COL20A1: variants seen among roughly 807,000 people sequenced by gnomAD.
COL20A1 encodes collagen alpha-1(XX) chain.
COL20A1 carries 164 observed loss-of-function variants against 152.9 expected under a neutral mutation model. The ratio of observed to expected loss-of-function variants is 1.07; its 90% CI spans 0.94 to 1.22. COL20A1 has a LOEUF of 1.22. COL20A1 is among the 50% of genes most tolerant of loss of function. The pLI is 0.00. For missense variants in COL20A1, 1,873 were observed against 1,744.8 expected, an observed-to-expected ratio of 1.07 and a Z score of -1.31; for synonymous variants, 864 against 756.0, an observed-to-expected ratio of 1.14 and a Z score of -2.34.
intron 14 of COL20A1, 26 bp downstream of exon 14, chr20:63,312,081 C>A: frequency 6.5e-7 from 1 of 1,529,104 alleles, no homozygotes; most frequent in African/African-American, 1.4e-5. Flanking sequence ...TCCGGGGGCC[C>A]GAGTGTCTTG....
intron 10 of COL20A1, 146 bp downstream of exon 10, chr20:63,310,061 C>A: frequency 1.2e-6 from 1 of 829,004 alleles, no homozygotes; most frequent in Non-Finnish European, 1.8e-6. Flanking sequence ...AGCCCAGGGA[C>A]TCACTGGGGA....
chr20:63,309,167 C>T (rs963229900), intron 8 of COL20A1, among the ~76,000 whole-genome samples, 166 bp from the exon 9 acceptor site: 2 of 152,172 alleles, frequency 1.3e-5, no homozygotes, highest in Admixed American at 6.5e-5. Context: ...CCTTGATGCC[C>T]CCAACCCCTC....
chr20:63,325,259 G>T (rs1404917833), intron 27 of COL20A1, 182 bp from the exon 28 acceptor site: 1 of 708,646 alleles, frequency 1.4e-6, no homozygotes, highest in Non-Finnish European at 2.6e-6. Context: ...CCCGCTGCCT[G>T]TGTCTCCAGG....
chr20:63,301,658 A>G (rs1322853721), intron 3 of COL20A1, among the ~76,000 whole-genome samples: 1 of 152,110 alleles, frequency 6.6e-6, no homozygotes, highest in Non-Finnish European at 1.5e-5. Context: ...TCATTTTGAA[A>G]TGCTCTTCAT....
At chr20:63,325,557 A>G in intron 28 of COL20A1, 63 bp downstream of exon 28, 1 of 1,506,494 alleles carries the variant, frequency 6.6e-7, no homozygotes, top group Non-Finnish European at 9.2e-7. Context: ...ACAGGGATGG[A>G]GATGGGGAGT....
chr20:63,329,624 A>T lies in COL20A1; in HGVS notation c.3821A>T (p.Gln1274Leu). The T allele has an allele frequency of 6.2e-7, 1 of 1,607,080 alleles. No individual in the cohort carries two copies. Among genetic ancestry groups the T allele is most frequent in the Non-Finnish European group, 8.5e-7 (1 of 1,178,734 alleles). ...GTTGGTCAGATGGGCAGCCCTGGGCAGCAGGGGGCTAGCACCCAGGGCCTC... is the reference window on the plus strand; with the variant it reads ...GTTGGTCAGATGGGCAGCCCTGGGCTGCAGGGGGCTAGCACCCAGGGCCTC... Reference protein sequence around the residue: ...GAVGQMGSPGQQGASTQGLWE With the variant: ...GAVGQMGSPGLQGASTQGLWE The change falls in exon 35 of 36, where the codon CAG (glutamine) becomes CTG (leucine). Residue 1274 changes from glutamine to leucine, a missense_variant. Gln to Leu is a moderately radical substitution (Grantham distance 113, BLOSUM62 -2). Transcript: ENST00000358894.
chr20:63,308,210 C>A, intron 7 of COL20A1, 120 bp downstream of exon 7: 3 of 1,249,446 alleles, frequency 2.4e-6, no homozygotes, highest in Non-Finnish European at 3.4e-6. Context: ...GAGCCCTGTT[C>A]ACACCTTTAT....
At chr20:63,294,577 C>A (rs867041510) in intron 1 of COL20A1, among the ~76,000 whole-genome samples, 1 of 152,132 alleles carries the variant, frequency 6.6e-6, no homozygotes, top group African/African-American at 2.4e-5. Flanking sequence ...CAGACCCACC[C>A]GCTCCCCACT....
At chr20:63,295,955 C>T (rs538338494) in intron 2 of COL20A1, among the ~76,000 whole-genome samples, 1 of 152,390 alleles carries the variant, frequency 6.6e-6, no homozygotes, top group African/African-American at 2.4e-5. Context: ...GGTTTTGTTC[C>T]GCTGGGGTGA....
chr20:63,313,302 G>GGGAT lies in COL20A1; in HGVS notation c.2209+54_2209+57dup. ...TGGGTGTGGGGCAGGGATGGCCCAGGGGATCCCTGACTCACCCGCTGCACA... is the reference window on the plus strand; with the variant it reads ...TGGGTGTGGGGCAGGGATGGCCCAGGGGATGGATCCCTGACTCACCCGCTGCACA... On this transcript the variant is annotated intron_variant, in intron 17 of 35. Transcript: ENST00000358894. This position sits in a 1 kb window ranked among gnomAD's most constrained non-coding sequence, Gnocchi z 5.9. 3 of 1,560,804 alleles carry GGGAT rather than the reference G, an allele frequency of 1.9e-6. No individual in the cohort carries two copies. The highest frequency in any genetic ancestry group is 2.6e-6 in the Non-Finnish European group (3 of 1,148,072).
Position 63,325,462 on chromosome 20 carries a change from G to T in COL20A1, c.3316G>T (p.Glu1106Ter). 1 of 1,613,030 alleles carries T rather than the reference G, an allele frequency of 6.2e-7. No individual in the cohort carries two copies. Among genetic ancestry groups the T allele is most frequent in the Non-Finnish European group, 8.5e-7 (1 of 1,179,636 alleles). The change falls in exon 28 of 36, where the codon GAG (glutamate) becomes TAG (stop). Residue 1106 changes from glutamate to a stop codon, truncating the protein, a stop_gained. Transcript: ENST00000358894. LOFTEE classifies it high-confidence loss of function. ...CCAGGGTCCACCAGGGGTCAAAGGA[G>T]AGAAGGGAGACCATGGGCTTCCAGG... The part of the protein sequence containing the change: ...GPRGPPGVKG[E>*]KGDHGLPGLQ...
rs1013846451 is a variant in COL20A1, at chr20:63,305,694, G to A, written c.337+134G>A. On this transcript the variant is annotated intron_variant, in intron 4 of 35. Transcript: ENST00000358894. This position sits in a 1 kb window ranked among gnomAD's most constrained non-coding sequence, Gnocchi z 4.9. ...GGTATGTGTGAAGCAGTTCTGGGCT[G>A]TGCTAGGGGCAGGTTCAAGTCCCGA... 12 of 1,187,538 alleles carry A rather than the reference G, an allele frequency of 1.0e-5. No homozygotes were observed. Among genetic ancestry groups the A allele is most frequent in the Non-Finnish European group, 1.4e-5 (12 of 854,310 alleles). The allele number at this position is 1,187,538 out of a possible 1,614,324, so 73.6% of individuals were successfully genotyped here. A position where few individuals can be genotyped will look rare whatever the true frequency, so the allele number is the denominator to read the frequency against.
At chr20:63,328,605 G>A in intron 34 of COL20A1, 107 bp downstream of exon 34, 10 of 1,075,980 alleles carry the variant, frequency 9.3e-6, no homozygotes, top group Non-Finnish European at 1.3e-5. Context: ...AGCAGCTCCT[G>A]CTGGAGATGC....
intron 31 of COL20A1, chr20:63,327,411 G>C (rs2068268231): frequency 5.6e-6 from 1 of 179,272 alleles, no homozygotes; most frequent in African/African-American, 2.4e-5. Context: ...GACAGACGTG[G>C]TGGAGGGGAG....
rs544786898 is a variant in COL20A1, at chr20:63,315,401, C to T, written c.2489-3C>T. The T allele has an allele frequency of 1.5e-5, 23 of 1,574,546 alleles. No individual in the cohort carries two copies. In the African/African-American group the frequency reaches 3.0e-4, roughly 20 times the overall value. Reference sequence around the variant, plus strand: ...TCACACTGACCCTGTCTCCTCTCAGCAGCCTGCCCAGCCCTCCGCCCTGAC... The same window carrying T: ...TCACACTGACCCTGTCTCCTCTCAGTAGCCTGCCCAGCCCTCCGCCCTGAC... On this transcript the variant is annotated splice_region_variant and splice_polypyrimidine_tract_variant and intron_variant, in intron 19 of 35. Coordinates refer to ENST00000358894, the MANE Select transcript of COL20A1 (RefSeq NM_020882.4).
Position 63,305,451 on chromosome 20 carries a change from G to A in COL20A1, c.228G>A (p.Lys76=). 6.3e-7 allele frequency: 1 copy of A among 1,596,602 alleles called. No homozygotes were observed. The highest frequency in any genetic ancestry group is 8.5e-7 in the Non-Finnish European group (1 of 1,173,116). The change falls in exon 4 of 36, where the codon AAG becomes AAA. Residue 76 remains lysine, a synonymous_variant. Transcript: ENST00000358894. The surrounding 1 kb of genome is among the most constrained non-coding windows in gnomAD (Gnocchi z 4.9). The stretch of plus-strand genomic sequence containing the variant: ...AACAGGAGGTGATACTGACCACCAA[G>A]ACCCCTAAGGCCACAGTGGGGGGCC... ...DSEQEVILTT[K]TPKATVGGLS...
In COL20A1 at chr20:63,332,615, G is replaced by A. The variant is rs968989964; in HGVS notation, c.*1899G>A. The A allele has an allele frequency of 6.6e-6, 1 of 152,372 alleles. No homozygotes were observed. Among genetic ancestry groups the A allele is most frequent in the East Asian group, 1.9e-4 (1 of 5,180 alleles). The allele number at this position is 152,372 out of a possible 1,614,324, so 9.4% of individuals were successfully genotyped here. ...CTGAGACCACATTGGCAGCCAGGAG[G>A]AGGCAGCCTGGCCGGGGGGAACCAG... On this transcript the variant is annotated 3_prime_UTR_variant, in exon 36 of 36. Coordinates refer to ENST00000358894, the MANE Select transcript of COL20A1 (RefSeq NM_020882.4).
At chr20:63,295,614 C>A (rs567267090) in intron 2 of COL20A1, among the ~76,000 whole-genome samples, 18 of 152,314 alleles carry the variant, frequency 1.2e-4, no homozygotes, top group Admixed American at 2.6e-4. Flanking sequence ...AGCACCACCC[C>A]CTCCGTGCGC....
intron 8 of COL20A1, 28 bp from the exon 9 acceptor site, chr20:63,309,305 C>G (rs776698904): frequency 2.8e-6 from 4 of 1,431,816 alleles, no homozygotes; most frequent in Non-Finnish European, 3.7e-6. Flanking sequence ...CCAGTGCAGG[C>G]CAACCCCACC....
Sources: allele counts gnomAD v4.1 joint callset (sites outside exome capture counted in the v4.1 genomes callset), GRCh38; gene constraint gnomAD v4.1.1; non-coding constraint Gnocchi (gnomAD v3.1); transcripts MANE v1.5; gene names NCBI Gene and HGNC (gene_info 2026-07-23, HGNC 2026-07-21).